The following TEX36 variants were observed in gnomAD, a reference collection of about 807,000 sequenced individuals.
TEX36 encodes testis-expressed protein 36.
In TEX36, 12 loss-of-function variants were observed where a neutral mutation model predicts 13.6. That is an observed-to-expected ratio of 0.88 (90% CI 0.56 to 1.43). The LOEUF is 1.43. TEX36 is among the 40% of genes most tolerant of loss of function. The probability of loss-of-function intolerance (pLI) is 0.00; values close to 1 mark genes in which losing one functional copy is unlikely to be tolerated. For synonymous variants in TEX36, 93 were observed against 83.0 expected (o/e 1.12, Z -0.65); for missense variants, 224 against 228.3 (o/e 0.98, Z 0.12).
At chr10:125,679,315 A>T (rs1847360179) in intron 1 of TEX36, among the ~76,000 whole-genome samples, 1 of 152,138 alleles carries the variant, frequency 6.6e-6, no homozygotes, top group Admixed American at 6.5e-5. Flanking sequence ...CCTCAGTCCC[A>T]GTAGCAACAG....
In TEX36 at chr10:125,636,205, T is replaced by A. The variant is rs1304470207; in HGVS notation, c.265-14560A>T. On this transcript the variant is annotated intron_variant, in intron 3 of 3. Transcript: ENST00000526819. ...ATGTTTACAACTGTGTTTGCTGAAT[T>A]TTTTTTTTTTTTTTTTTTGAGACAG... 3.1e-5 allele frequency among the ~76,000 whole-genome samples: 3 copies of A among 98,082 alleles called. No individual in the cohort carries two copies. The African/African-American group carries it at 3.3e-4, about 11-fold the overall frequency. The allele number at this position is 98,082 out of a possible 152,430, so 64.3% of individuals were successfully genotyped here.
intron 3 of TEX36, among the ~76,000 whole-genome samples, chr10:125,612,664 G>A (rs1340962284): frequency 6.6e-6 from 1 of 152,084 alleles, no homozygotes; most frequent in East Asian, 1.9e-4. Context: ...AGCTCCCTTA[G>A]TAATCCCCCG....
chr10:125,625,003 G>A (rs1482695928), intron 3 of TEX36, among the ~76,000 whole-genome samples: 2 of 152,174 alleles, frequency 1.3e-5, no homozygotes, highest in Non-Finnish European at 2.9e-5. Context: ...GCAAAACAAA[G>A]TTTCCAGGAG....
chr10:125,662,808 T>C (rs1847068373), intron 1 of TEX36, among the ~76,000 whole-genome samples: 1 of 152,120 alleles, frequency 6.6e-6, no homozygotes, highest in Non-Finnish European at 1.5e-5. Flanking sequence ...CCTGTAGGTG[T>C]GGGCAGTGAG....
chr10:125,650,823 C>T (rs758161445), downstream of TEX36, among the ~76,000 whole-genome samples: 14 of 152,198 alleles, frequency 9.2e-5, no homozygotes, highest in South Asian at 2.1e-4. Context: ...ATATCACCAC[C>T]GATCCCACAG....
chr10:125,645,128 C>T (rs925922810), intron 3 of TEX36, among the ~76,000 whole-genome samples: 29 of 152,214 alleles, frequency 1.9e-4, no homozygotes, highest in Admixed American at 1.9e-3. Context: ...AAGACCTCAC[C>T]ACGTGCACCC....
intron 3 of TEX36, among the ~76,000 whole-genome samples, chr10:125,596,874 T>C (rs1846085935): frequency 6.6e-6 from 1 of 152,222 alleles, no homozygotes; most frequent in Admixed American, 6.5e-5. Context: ...AATTCCTGGC[T>C]GGGAATCTGG....
At chr10:125,582,206 C>T in intron 3 of TEX36, among the ~76,000 whole-genome samples, 1 of 152,220 alleles carries the variant, frequency 6.6e-6, no homozygotes, top group East Asian at 1.9e-4. Flanking sequence ...GGCTGGCAGC[C>T]TGTATCCTAA....
At chr10:125,654,512 C>T (rs149510069), downstream of TEX36, among the ~76,000 whole-genome samples, 437 of 152,238 alleles carry the variant, frequency 2.9e-3, 8 homozygotes, top group South Asian at 0.039. Flanking sequence ...AAATGCCTAT[C>T]ACATTGGCAG....
chr10:125,671,696 A>G (rs545996806), intron 1 of TEX36, among the ~76,000 whole-genome samples: 3 of 152,360 alleles, frequency 2.0e-5, no homozygotes, highest in South Asian at 4.1e-4. Flanking sequence ...GAAAAGTTTC[A>G]GGAGAAATGA....
intron 3 of TEX36, among the ~76,000 whole-genome samples, chr10:125,613,622 A>G (rs1368371145): frequency 4.0e-5 from 6 of 151,796 alleles, no homozygotes; most frequent in African/African-American, 1.2e-4. Context: ...ATCACTTTTT[A>G]TGGCTGCATA....
At chr10:125,578,936 G>A (rs571949768) in intron 3 of TEX36, among the ~76,000 whole-genome samples, 23 of 152,180 alleles carry the variant, frequency 1.5e-4, no homozygotes, top group South Asian at 1.2e-3. Context: ...TGCCCTGGTC[G>A]CCCATGCCTC....
At chr10:125,597,953 A>G (rs1846101750) in intron 3 of TEX36, among the ~76,000 whole-genome samples, 1 of 152,190 alleles carries the variant, frequency 6.6e-6, no homozygotes, top group Non-Finnish European at 1.5e-5. Context: ...CTTCTTATTT[A>G]GCGGGTTATT....
chr10:125,667,804 G>A (rs750733907), intron 1 of TEX36: 22 of 1,123,924 alleles, frequency 2.0e-5, no homozygotes, highest in Non-Finnish European at 2.7e-5. Context: ...TGGTGTTCTC[G>A]GCGTTAAGGG....
chr10:125,608,263 G>C (rs111547278), intron 3 of TEX36, among the ~76,000 whole-genome samples: 1 of 124,598 alleles, frequency 8.0e-6, no homozygotes, highest in South Asian at 2.3e-4. Flanking sequence ...TGGTGGAAAT[G>C]TCCTATAGAT....
intron 1 of TEX36, among the ~76,000 whole-genome samples, chr10:125,666,360 G>C (rs1847121692): frequency 6.6e-6 from 1 of 152,148 alleles, no homozygotes; most frequent in African/African-American, 2.4e-5. Flanking sequence ...TTGTTATTTT[G>C]AGTTATGTTC....
intron 3 of TEX36, among the ~76,000 whole-genome samples, chr10:125,585,682 TC>T (rs1283912504): frequency 6.6e-6 from 1 of 152,188 alleles, no homozygotes; most frequent in Admixed American, 6.5e-5. Context: ...CTTTCTGGGT[TC>T]CCCCACAAAA....
chr10:125,631,653 C>T (rs948296107), intron 3 of TEX36, among the ~76,000 whole-genome samples: 1 of 152,148 alleles, frequency 6.6e-6, no homozygotes, highest in Non-Finnish European at 1.5e-5. Flanking sequence ...GACAGGTGAA[C>T]AGGATTTTTT....
At chr10:125,619,026 A>T (rs1354569813), downstream of TEX36, among the ~76,000 whole-genome samples, 1 of 147,756 alleles carries the variant, frequency 6.8e-6, no homozygotes, top group African/African-American at 2.5e-5. Flanking sequence ...GCTACTTGGG[A>T]GGCTGAGGCA....
Sources: allele counts gnomAD v4.1 joint callset (sites outside exome capture counted in the v4.1 genomes callset), GRCh38; gene constraint gnomAD v4.1.1; transcripts MANE v1.5; gene names NCBI Gene and HGNC (gene_info 2026-07-23, HGNC 2026-07-21).